SIK3: variants seen among roughly 807,000 people sequenced by gnomAD.
The protein encoded by SIK3 is SIK family kinase 3.
SIK3 carries 28 observed loss-of-function variants against 144.2 expected under a neutral mutation model. The observed-to-expected ratio is 0.19, with a 90% CI of 0.14 to 0.27. The LOEUF (loss-of-function observed/expected upper bound fraction) is 0.27. SIK3 is among the 10% of genes least tolerant of loss of function. The pLI is 1.00. For synonymous variants in SIK3, 686 were observed against 676.3 expected (o/e 1.01, Z -0.22); for missense variants, 1,319 against 1,776.0 (o/e 0.74, Z 4.62).
At chr11:116,930,851 C>T (rs1380191739) in intron 3 of SIK3, among the ~76,000 whole-genome samples, 3 of 150,148 alleles carry the variant, frequency 2.0e-5, no homozygotes, top group African/African-American at 7.3e-5. Flanking sequence ...GCTTTTTTCA[C>T]CATCAATCAA....
chr11:116,853,129 TG>T (rs1942597124), intron 21 of SIK3, among the ~76,000 whole-genome samples: 3 of 152,162 alleles, frequency 2.0e-5, no homozygotes, highest in Admixed American at 1.3e-4. Context: ...GACGGTTGTT[TG>T]GGGGCTCGAA....
At chr11:116,900,581 T>C (rs1945680327) in intron 4 of SIK3, among the ~76,000 whole-genome samples, 1 of 152,226 alleles carries the variant, frequency 6.6e-6, no homozygotes, top group Non-Finnish European at 1.5e-5. Context: ...GTTTCCAATT[T>C]ATCCCTGGCC....
intron 3 of SIK3, among the ~76,000 whole-genome samples, chr11:116,929,973 A>G (rs561211565): frequency 1.3e-5 from 2 of 152,326 alleles, no homozygotes; most frequent in East Asian, 3.9e-4. Context: ...CTTAAACTAT[A>G]ATACTTTCCC....
intron 1 of SIK3, among the ~76,000 whole-genome samples, chr11:117,088,911 G>A (rs943286697): frequency 1.3e-5 from 2 of 152,026 alleles, no homozygotes; most frequent in African/African-American, 2.4e-5. Flanking sequence ...CCAACTCTGG[G>A]GCTCAAGTGA....
chr11:116,982,275 T>C (rs1336109624), intron 1 of SIK3, among the ~76,000 whole-genome samples: 1 of 150,592 alleles, frequency 6.6e-6, no homozygotes, highest in East Asian at 1.9e-4. Context: ...GGGCTTCCTC[T>C]GCCTTATGAA....
chr11:116,952,442 C>A (rs1948977804), intron 3 of SIK3, among the ~76,000 whole-genome samples: 1 of 152,110 alleles, frequency 6.6e-6, no homozygotes, highest in Non-Finnish European at 1.5e-5. Context: ...TTTCTATTTG[C>A]CTTTGTATAC....
chr11:117,003,711 T>C (rs1231173730), intron 1 of SIK3, among the ~76,000 whole-genome samples: 2 of 152,180 alleles, frequency 1.3e-5, no homozygotes, highest in South Asian at 4.1e-4. Context: ...GTTGTTATGG[T>C]ATTTCATTTT....
chr11:116,917,882 CAAACT>C (rs1441122450), intron 4 of SIK3, among the ~76,000 whole-genome samples: 1 of 67,828 alleles, frequency 1.5e-5, no homozygotes, highest in East Asian at 3.2e-4. Context: ...GAGAAACAAA[CAAACT>C]ATAGCTTAAG....
intron 21 of SIK3, among the ~76,000 whole-genome samples, chr11:116,856,202 A>AG (rs1423463488): frequency 2.6e-5 from 4 of 151,626 alleles, no homozygotes; most frequent in Admixed American, 2.6e-4. Flanking sequence ...GTCTCAAAAA[A>AG]AAAAAAAAAA....
intron 13 of SIK3, among the ~76,000 whole-genome samples, chr11:116,870,660 G>A (rs1457828588): frequency 2.0e-5 from 3 of 152,100 alleles, no homozygotes; most frequent in Non-Finnish European, 4.4e-5. Context: ...AATGCTTACT[G>A]TTACAGGATA....
chr11:116,930,979 A>G (rs978287525), intron 3 of SIK3, among the ~76,000 whole-genome samples: 5 of 152,184 alleles, frequency 3.3e-5, no homozygotes, highest in African/African-American at 1.2e-4. Context: ...GTTAAAAGGA[A>G]AAAAAATGGT....
intron 1 of SIK3, among the ~76,000 whole-genome samples, chr11:116,961,684 T>A (rs946414701): frequency 6.6e-6 from 1 of 152,196 alleles, no homozygotes; most frequent in African/African-American, 2.4e-5. Context: ...GACCATATAT[T>A]TCCTAAGTTT....
chr11:117,054,237 G>A (rs1953402985), intron 1 of SIK3, among the ~76,000 whole-genome samples: 2 of 152,216 alleles, frequency 1.3e-5, no homozygotes, highest in South Asian at 2.1e-4. Context: ...TTATTAGCAG[G>A]GAGTGCTTGA....
intron 1 of SIK3, among the ~76,000 whole-genome samples, chr11:117,009,598 G>T (rs935186697): frequency 1.3e-5 from 2 of 151,448 alleles, no homozygotes; most frequent in Non-Finnish European, 2.9e-5. Context: ...TGACGCAAAA[G>T]TCAAGATTTA....
chr11:117,059,050 G>A (rs1175822570), intron 1 of SIK3, among the ~76,000 whole-genome samples: 1 of 152,224 alleles, frequency 6.6e-6, no homozygotes, highest in African/African-American at 2.4e-5. Flanking sequence ...GGCGGCCTCA[G>A]TGAAATGAGA....
chr11:117,030,292 A>G (rs1952201911), intron 1 of SIK3, among the ~76,000 whole-genome samples: 1 of 152,266 alleles, frequency 6.6e-6, no homozygotes, highest in Non-Finnish European at 1.5e-5. Context: ...AAATCCTGAC[A>G]GAAGTTTACA....
intron 6 of SIK3, among the ~76,000 whole-genome samples, chr11:116,895,319 T>C (rs1265805351): frequency 6.6e-6 from 1 of 152,220 alleles, no homozygotes; most frequent in East Asian, 1.9e-4. Flanking sequence ...CAGGCTTTGC[T>C]GAAAGGTCCC....
At chr11:116,957,428 T>C (rs2135403670) in intron 1 of SIK3, among the ~76,000 whole-genome samples, 1 of 152,256 alleles carries the variant, frequency 6.6e-6, no homozygotes, top group East Asian at 1.9e-4. Context: ...CAAGAAGCTT[T>C]AAATAAAATA....
chr11:117,047,095 T>G (rs1469128658), intron 1 of SIK3, among the ~76,000 whole-genome samples: 1 of 152,238 alleles, frequency 6.6e-6, no homozygotes, highest in Non-Finnish European at 1.5e-5. Flanking sequence ...CATACTTTCC[T>G]TAATGAAAAC....
Sources: allele counts gnomAD v4.1 joint callset (sites outside exome capture counted in the v4.1 genomes callset), GRCh38; gene constraint gnomAD v4.1.1; transcripts MANE v1.5; gene names NCBI Gene and HGNC (gene_info 2026-07-23, HGNC 2026-07-21).